The following ETHE1 variants were observed in gnomAD, a reference collection of about 807,000 sequenced individuals.
ETHE1 encodes the protein persulfide dioxygenase ETHE1, mitochondrial.
In ETHE1, 16 loss-of-function variants were observed where a neutral mutation model predicts 25.7. The ratio of observed to expected loss-of-function variants is 0.62; its 90% CI spans 0.42 to 0.95. The LOEUF (loss-of-function observed/expected upper bound fraction) is 0.95, where lower values mean the gene tolerates loss of function less well. Among genes scored for constraint, ETHE1 ranks in the 40% least tolerant of loss-of-function variants. The pLI, the probability that ETHE1 is intolerant of heterozygous loss-of-function variation, is 0.00. For missense variants in ETHE1, 300 were observed against 333.6 expected (o/e 0.90, Z 0.79); for synonymous variants, 139 against 135.9 (o/e 1.02, Z -0.16).
chr19:43,514,825 C>G (rs1054908481), intron 3 of ETHE1, among the ~76,000 whole-genome samples: 2 of 152,100 alleles, frequency 1.3e-5, no homozygotes, highest in Non-Finnish European at 2.9e-5. Context: ...CAGACTAATA[C>G]AGAAGGGATA....
intron 3 of ETHE1, among the ~76,000 whole-genome samples, chr19:43,521,209 G>A (rs780789842): frequency 1.2e-4 from 18 of 152,058 alleles, no homozygotes; most frequent in Non-Finnish European, 2.1e-4. Flanking sequence ...GTGCGCACCT[G>A]TAATCCCAGC....
In ETHE1 at chr19:43,520,860, G is replaced by A. The variant is rs567211965; in HGVS notation, c.375+5341C>T. Among the ~76,000 whole-genome samples, 15 of 152,172 alleles carry A rather than the reference G, an allele frequency of 9.9e-5. No individual in the cohort carries two copies. In the South Asian group the frequency reaches 2.9e-3, roughly 29 times the overall value. On this transcript the variant is annotated intron_variant, in intron 3 of 6. Transcript: ENST00000292147. ...ATCAATGGTGGAGCTTTTAAAACAT[G>A]CCAATTCCTTGTGTCCACCCAGAAC... is the stretch of plus-strand genomic sequence containing the variant.
intron 4 of ETHE1, among the ~76,000 whole-genome samples, chr19:43,510,524 G>A (rs1401083931): frequency 2.6e-5 from 4 of 151,446 alleles, no homozygotes; most frequent in Non-Finnish European, 4.4e-5. Context: ...TAGTAGAGAC[G>A]GGGTTTCACC....
intron 6 of ETHE1, among the ~76,000 whole-genome samples, chr19:43,507,163 TCCCCCAGC>T (rs1971790712): frequency 8.1e-5 from 1 of 12,274 alleles, no homozygotes; most frequent in Non-Finnish European, 1.5e-4. Context: ...AGGAGTCCAG[TCCCCCAGC>T]CCTTCCTTCC....
At chr19:43,514,207 A>G (rs1328757759) in intron 3 of ETHE1, among the ~76,000 whole-genome samples, 2 of 152,088 alleles carry the variant, frequency 1.3e-5, no homozygotes, top group Non-Finnish European at 2.9e-5. Context: ...TAGCTCCCAT[A>G]ATCCCCATGG....
chr19:43,518,669 T>C (rs1053502199), intron 3 of ETHE1, among the ~76,000 whole-genome samples: 20 of 143,954 alleles, frequency 1.4e-4, no homozygotes, highest in African/African-American at 3.9e-4. Context: ...GAGAATGGCA[T>C]GAACCCGGGA....
chr19:43,520,277 G>A (rs928815284), intron 3 of ETHE1, among the ~76,000 whole-genome samples: 32 of 152,080 alleles, frequency 2.1e-4, no homozygotes, highest in African/African-American at 7.7e-4. Flanking sequence ...CAAGAGAATC[G>A]CTTGAACCCA....
At chr19:43,525,196 C>G (rs1004811969) in intron 3 of ETHE1, among the ~76,000 whole-genome samples, 15 of 151,704 alleles carry the variant, frequency 9.9e-5, no homozygotes, top group Non-Finnish European at 1.6e-4. Context: ...ATAGCTAAAC[C>G]CTTCGTTCAT....
At chr19:43,524,036 G>A (rs958975792) in intron 3 of ETHE1, among the ~76,000 whole-genome samples, 1 of 151,950 alleles carries the variant, frequency 6.6e-6, no homozygotes, top group African/African-American at 2.4e-5. Context: ...GGGAGTTGGA[G>A]ACCAGCCTGA....
chr19:43,513,066 G>A (rs536383672), intron 3 of ETHE1, among the ~76,000 whole-genome samples: 1 of 152,356 alleles, frequency 6.6e-6, no homozygotes, highest in Non-Finnish European at 1.5e-5. Context: ...CTTACACGTG[G>A]TGCTGGGCCT....
At chr19:43,525,179 A>G (rs546607510) in intron 3 of ETHE1, among the ~76,000 whole-genome samples, 1 of 152,210 alleles carries the variant, frequency 6.6e-6, no homozygotes, top group African/African-American at 2.4e-5. Context: ...CTGAAGCTAA[A>G]TCTACCATAG....
chr19:43,507,745 C>T lies in ETHE1; in HGVS notation c.712+199G>A, dbSNP rs2599450. ...CTGCCTCAGACCCAGGAGTCCAGTCCCCCAGCCCCTCCTCCCTTAGACCCA... is the reference window on the plus strand; with the variant it reads ...CTGCCTCAGACCCAGGAGTCCAGTCTCCCAGCCCCTCCTCCCTTAGACCCA... On this transcript the variant is annotated intron_variant, in intron 6 of 6. Transcript: ENST00000292147. The T allele has an allele frequency of 0.35, 107,381 of 307,692 alleles. 30,490 individuals are homozygous for T. Among genetic ancestry groups the T allele is most frequent in the South Asian group, 0.55 (21,022 of 38,530 alleles). The allele number at this position is 307,692 out of a possible 1,614,324, so 19.1% of individuals were successfully genotyped here. A position where few individuals can be genotyped will look rare whatever the true frequency, so the allele number is the denominator to read the frequency against.
intron 3 of ETHE1, among the ~76,000 whole-genome samples, chr19:43,522,374 A>T (rs978456374): frequency 6.6e-6 from 1 of 152,202 alleles, no homozygotes; most frequent in Non-Finnish European, 1.5e-5. Flanking sequence ...GCAATGAGCT[A>T]TGCTCACGCC....
intron 3 of ETHE1, among the ~76,000 whole-genome samples, chr19:43,524,235 A>T (rs12611350): frequency 0.081 from 12,321 of 152,002 alleles, 793 homozygotes; most frequent in East Asian, 0.33. Flanking sequence ...AAACAAAAAA[A>T]TTTGCTGGGC....
At chr19:43,518,282 C>A (rs6509093) in intron 3 of ETHE1, among the ~76,000 whole-genome samples, 4 of 150,776 alleles carry the variant, frequency 2.7e-5, no homozygotes, top group African/African-American at 7.3e-5. Flanking sequence ...TTTGAGTCAC[C>A]GAGAGGGGAA....
chr19:43,519,008 T>TTTTG lies in ETHE1; in HGVS notation c.375+7192_375+7193insCAAA, dbSNP rs1972085313. Among the ~76,000 whole-genome samples, 23 of 55,570 alleles carry TTTTG rather than the reference T, an allele frequency of 4.1e-4. 1 individual carries two copies. Among genetic ancestry groups the TTTTG allele is most frequent in the African/African-American group, 1.9e-3 (22 of 11,604 alleles). The allele number at this position is 55,570 out of a possible 152,430, so 36.5% of individuals were successfully genotyped here. ...GATGAAATTTGTGCTTGTTTTTTTT[T>TTTTG]TTTTTTTTTTTTTTTTTTTTTGAGA... On this transcript the variant is annotated intron_variant, in intron 3 of 6. Coordinates refer to ENST00000292147, the MANE Select transcript of ETHE1 (RefSeq NM_014297.5).
rs1555765689 is a variant in ETHE1, at chr19:43,527,111, TG to T, written c.66del (p.Ile23SerfsTer10). 1.3e-6 allele frequency: 2 copies of T among 1,556,758 alleles called. No homozygotes were observed. The highest frequency in any genetic ancestry group is 2.4e-5 in the East Asian group (1 of 41,732). ...QLSQRGGSGA[P>X]ILLRQMFEPV... ...GCCACCCGCACCTGCCGCAGGAGGA[TG>T]GGGGCTCCAGACCCGCCGCGCTGGC... is the stretch of plus-strand genomic sequence containing the variant. On this transcript the variant is annotated frameshift_variant, in exon 1 of 7. Transcript: ENST00000292147. LOFTEE classifies it high-confidence loss of function.
At chr19:43,514,724 T>C (rs1178006165) in intron 3 of ETHE1, among the ~76,000 whole-genome samples, 1 of 152,108 alleles carries the variant, frequency 6.6e-6, no homozygotes, top group African/African-American at 2.4e-5. Flanking sequence ...GACCACGTGA[T>C]CCACCTGCCT....
intron 3 of ETHE1, among the ~76,000 whole-genome samples, chr19:43,517,622 C>T (rs371795791): frequency 6.6e-6 from 1 of 151,610 alleles, no homozygotes; most frequent in Non-Finnish European, 1.5e-5. Context: ...ACAAAACATA[C>T]AAATATTAGT....
Sources: allele counts gnomAD v4.1 joint callset (sites outside exome capture counted in the v4.1 genomes callset), GRCh38; gene constraint gnomAD v4.1.1; transcripts MANE v1.5; gene names NCBI Gene and HGNC (gene_info 2026-07-23, HGNC 2026-07-21).